CBX7: variants seen among roughly 807,000 people sequenced by gnomAD.
CBX7 encodes chromobox 7.
Under a neutral mutation model 31.4 loss-of-function variants are expected in CBX7, and 14 were observed. The observed-to-expected ratio is 0.45, with a 90% CI of 0.29 to 0.70. CBX7 has a LOEUF of 0.70. Among genes scored for constraint, CBX7 ranks in the 30% least tolerant of loss-of-function variants. The pLI is 0.11. For missense variants in CBX7, 269 were observed against 351.9 expected (o/e 0.76, Z 1.89); for synonymous variants, 159 against 152.6 (o/e 1.04, Z -0.31).
intron 1 of CBX7, among the ~76,000 whole-genome samples, chr22:39,151,196 G>A (rs139404): frequency 0.42 from 63,988 of 152,062 alleles, 13,786 homozygotes; most frequent in African/African-American, 0.47. Flanking sequence ...TGAGCTTTGT[G>A]GAATAAATCA....
rs1363325314 is a variant in CBX7, at chr22:39,134,419, G to A, written c.580C>T (p.Gln194Ter). The change falls in exon 5 of 6, where the codon CAG (glutamine) becomes TAG (stop). Residue 194 changes from glutamine to a stop codon, truncating the protein, a stop_gained. Transcript: ENST00000216133. LOFTEE classifies it high-confidence loss of function. ...GCCTTACCCTCCTCTTCAGGGGGCT[G>A]CGCAGCAGGCTCCCACTCGCCAGCC... ...QAAGEWEPAA[Q>*]PPEEEADADL... is the part of the protein sequence containing the mutation. The A allele has an allele frequency of 1.2e-6, 2 of 1,600,878 alleles. No homozygotes were observed. Among genetic ancestry groups the A allele is most frequent in the Non-Finnish European group, 1.7e-6 (2 of 1,179,410 alleles).
rs1020535312 is a variant in CBX7, at chr22:39,132,300, A to T, written c.*1591T>A. 2.0e-5 allele frequency: 3 copies of T among 152,202 alleles called. No homozygotes were observed. The highest frequency in any genetic ancestry group is 2.4e-5 in the African/African-American group (1 of 41,432). 9.4% of individuals were successfully genotyped at this position (152,202 alleles called of 1,614,324 possible). A position where few individuals can be genotyped will look rare whatever the true frequency, so the allele number is the denominator to read the frequency against. On this transcript the variant is annotated 3_prime_UTR_variant, in exon 6 of 6. Coordinates refer to ENST00000216133, the MANE Select transcript of CBX7 (RefSeq NM_175709.5). ...ACTCTGTGACTTCCTGAGGACACAG[A>T]GCAGAGCTGCGAGGAGGGCGGGCAG... is the stretch of plus-strand genomic sequence containing the variant.
chr22:39,140,372 C>T (rs1413883042), intron 3 of CBX7, among the ~76,000 whole-genome samples: 1 of 152,100 alleles, frequency 6.6e-6, no homozygotes, highest in African/African-American at 2.4e-5. Flanking sequence ...GGACCAAGGC[C>T]CCACCACACA....
chr22:39,143,421 G>A (rs1429156855), intron 2 of CBX7, among the ~76,000 whole-genome samples: 1 of 152,076 alleles, frequency 6.6e-6, no homozygotes. Context: ...TACAAAAAGA[G>A]ACAAAAAGGT....
At chr22:39,143,032 T>C (rs1930515302) in intron 2 of CBX7, among the ~76,000 whole-genome samples, 2 of 152,168 alleles carry the variant, frequency 1.3e-5, no homozygotes, top group South Asian at 4.1e-4. Flanking sequence ...GGTGGCCAGA[T>C]CACTTGAGGT....
At chr22:39,141,111 C>T (rs1930439026) in intron 3 of CBX7, 5 of 461,510 alleles carry the variant, frequency 1.1e-5, no homozygotes, top group Non-Finnish European at 2.0e-5. Context: ...TTCAGGGTGG[C>T]CCATTTGACA....
chr22:39,145,576 G>A (rs535780010), intron 2 of CBX7, among the ~76,000 whole-genome samples: 36 of 152,012 alleles, frequency 2.4e-4, no homozygotes, highest in African/African-American at 8.7e-4. Flanking sequence ...GGGGGACTGC[G>A]GGGGTCTGCA....
chr22:39,141,332 G>C lies in CBX7; in HGVS notation c.179+39C>G, dbSNP rs764250660. 2.2e-5 allele frequency: 34 copies of C among 1,577,552 alleles called. No individual in the cohort carries two copies. The African/African-American group carries it at 3.6e-4, about 17-fold the overall frequency. On this transcript the variant is annotated intron_variant, in intron 3 of 5. Coordinates refer to ENST00000216133, the MANE Select transcript of CBX7 (RefSeq NM_175709.5). The stretch of plus-strand genomic sequence containing the variant: ...CAGGCTCCTGGGAAGCCTCTGAGCC[G>C]GCCCTAAGCCCCACCCGGCGGTGCC...
At chr22:39,151,645 C>T (rs550105858) in intron 1 of CBX7, among the ~76,000 whole-genome samples, 40 of 152,340 alleles carry the variant, frequency 2.6e-4, no homozygotes, top group African/African-American at 9.4e-4. Context: ...CGAGCCCCCT[C>T]GCCAAACAAG....
At chr22:39,134,090 T>C (rs1406798571) in intron 5 of CBX7, 42 bp from the exon 6 acceptor site, 1 of 1,549,152 alleles carries the variant, frequency 6.5e-7, no homozygotes, top group African/African-American at 1.4e-5. Flanking sequence ...GTTGACAAGG[T>C]GGGAAGCCAT....
chr22:39,139,677 TG>T, intron 3 of CBX7, among the ~76,000 whole-genome samples: 1 of 119,518 alleles, frequency 8.4e-6, no homozygotes, highest in Middle Eastern at 7.1e-3. Context: ...CACTCCAGCC[TG>T]GGCAACAGAG....
At chr22:39,136,741 T>TA (rs1027654614) in intron 4 of CBX7, 6 of 152,330 alleles carry the variant, frequency 3.9e-5, no homozygotes, top group African/African-American at 1.2e-4. Context: ...GTTGCCATGT[T>TA]AGAGGGGAAG....
intron 2 of CBX7, among the ~76,000 whole-genome samples, chr22:39,145,134 A>T (rs1930598168): frequency 2.6e-5 from 4 of 152,168 alleles, no homozygotes; most frequent in Non-Finnish European, 5.9e-5. Context: ...GCTCGGCTGG[A>T]TGCAGAAGGG....
rs1930051721 is a variant in CBX7 at position 39,131,795 on chromosome 22, G to A, written c.*2096C>T. On this transcript the variant is annotated 3_prime_UTR_variant, in exon 6 of 6. Transcript: ENST00000216133. ...GCAGGAAAAAGGTCCTATGTCCCCT[G>A]GGGGATGGGGAGCGTGACTTCTGCT... The A allele has an allele frequency of 6.6e-6, 1 of 152,260 alleles. No individual in the cohort carries two copies. 9.4% of individuals were successfully genotyped at this position (152,260 alleles called of 1,614,324 possible).
rs1454331615 is a variant in CBX7 at position 39,133,911 on chromosome 22, C to A, written c.736G>T (p.Asp246Tyr). ...GTGATTCAGAACTTCCCACTGCGGT[C>A]TCGGAAGAAGCCCTCAGCTGCCTGG... ...EAQAAEGFFR[D>Y]RSGKF is the part of the protein sequence containing the mutation. The change falls in exon 6 of 6, where the codon GAC becomes TAC. Residue 246 changes from aspartate to tyrosine, a missense_variant. Physicochemically the swap from Asp to Tyr is radical, Grantham distance 160. Transcript: ENST00000216133. 6.2e-7 allele frequency: 1 copy of A among 1,612,004 alleles called. No homozygotes were observed. The highest frequency in any genetic ancestry group is 8.5e-7 in the Non-Finnish European group (1 of 1,178,934).
At chr22:39,135,683 G>C (rs1202566339) in intron 4 of CBX7, 2 of 152,292 alleles carry the variant, frequency 1.3e-5, no homozygotes, top group African/African-American at 4.8e-5. Context: ...TGCAGTGATG[G>C]GAGGAGGGCT....
At chr22:39,147,117 T>TG (rs1569111818) in intron 2 of CBX7, 4 of 131,494 alleles carry the variant, frequency 3.0e-5, no homozygotes, top group African/African-American at 9.4e-5. Flanking sequence ...TTTTTTTTTT[T>TG]GTGGGGGACG....
At chr22:39,147,855 T>A (rs1340387705) in intron 2 of CBX7, 1 of 152,250 alleles carries the variant, frequency 6.6e-6, no homozygotes, top group African/African-American at 2.4e-5. Context: ...ATGGAATCCC[T>A]TAGGTCCCTT....
rs754757412 is a variant in CBX7, at chr22:39,151,951, CTT to C, written c.69+423_69+424del. ...GAAAAACTTCAGAGGCCGGAGGAGA[CTT>C]TTCCAAAGCTCCACTTACAACTTGA... On this transcript the variant is annotated intron_variant, in intron 1 of 5. Coordinates refer to ENST00000216133, the MANE Select transcript of CBX7 (RefSeq NM_175709.5). 2.5e-4 allele frequency among the ~76,000 whole-genome samples: 38 copies of C among 152,224 alleles called. No individual in the cohort carries two copies. In the East Asian group the frequency reaches 3.7e-3, roughly 15 times the overall value.
Sources: allele counts gnomAD v4.1 joint callset (sites outside exome capture counted in the v4.1 genomes callset), GRCh38; gene constraint gnomAD v4.1.1; transcripts MANE v1.5; gene names NCBI Gene and HGNC (gene_info 2026-07-23, HGNC 2026-07-21).